The following FBXL17 variants were observed in gnomAD, a reference collection of about 807,000 sequenced individuals.
FBXL17 encodes F-box/LRR-repeat protein 17.
A neutral mutation model predicts 66.2 loss-of-function variants in FBXL17; 22 were observed. The observed-to-expected ratio is 0.33, with a 90% CI of 0.24 to 0.47. FBXL17 has a LOEUF of 0.47. Among genes scored for constraint, FBXL17 ranks in the 20% least tolerant of loss-of-function variants. The pLI is 1.00. For synonymous variants in FBXL17, 474 were observed against 400.5 expected (o/e 1.18, Z -2.19); for missense variants, 878 against 948.2 (o/e 0.93, Z 0.97).
intron 7 of FBXL17, among the ~76,000 whole-genome samples, chr5:107,975,451 C>T (rs1422638363): frequency 6.6e-6 from 1 of 152,112 alleles, no homozygotes; most frequent in East Asian, 1.9e-4. Flanking sequence ...TCTCACATAC[C>T]ATCAGCTTAT....
chr5:107,925,154 A>C (rs1361685718), intron 7 of FBXL17, among the ~76,000 whole-genome samples: 1 of 152,208 alleles, frequency 6.6e-6, no homozygotes, highest in Non-Finnish European at 1.5e-5. Flanking sequence ...CCATTCTGAA[A>C]TGTTCCTCAG....
intron 6 of FBXL17, among the ~76,000 whole-genome samples, chr5:108,121,779 G>A (rs992343935): frequency 2.0e-5 from 3 of 152,138 alleles, no homozygotes; most frequent in Admixed American, 1.3e-4. Context: ...GGATGGTCTT[G>A]ATCTCCTGAC....
intron 6 of FBXL17, among the ~76,000 whole-genome samples, chr5:108,055,282 A>AAAG (rs1747645498): frequency 7.5e-5 from 3 of 40,226 alleles, no homozygotes; most frequent in African/African-American, 3.7e-4. Flanking sequence ...AATTTTTAGA[A>AAAG]AAAAAAAAAA....
rs76453074 is a variant in FBXL17 at position 108,030,037 on chromosome 5, T to G, written c.1746-9036A>C. 6.4e-3 allele frequency among the ~76,000 whole-genome samples: 974 copies of G among 152,290 alleles called. 7 individuals carry two copies. Among genetic ancestry groups the G allele is most frequent in the African/African-American group, 0.023 (946 of 41,568 alleles). ...TAAATAACTTATAATCAAAGGACTA[T>G]GTAGTATACGTGTACATGTATGTAC... is the stretch of plus-strand genomic sequence containing the variant. On this transcript the variant is annotated intron_variant, in intron 6 of 8. Coordinates refer to ENST00000542267, the MANE Select transcript of FBXL17 (RefSeq NM_001163315.3).
intron 6 of FBXL17, among the ~76,000 whole-genome samples, chr5:108,151,110 C>T (rs1751756327): frequency 6.6e-6 from 1 of 152,106 alleles, no homozygotes; most frequent in Non-Finnish European, 1.5e-5. Context: ...CTGAAGTACT[C>T]AGTATAAAGA....
chr5:108,191,485 G>A (rs530321099), intron 5 of FBXL17, among the ~76,000 whole-genome samples: 19 of 152,338 alleles, frequency 1.2e-4, no homozygotes, highest in African/African-American at 3.6e-4. Context: ...AATAAAAATT[G>A]TGTAGAGAAG....
At chr5:108,038,988 G>C (rs568728224) in intron 6 of FBXL17, among the ~76,000 whole-genome samples, 19 of 152,122 alleles carry the variant, frequency 1.2e-4, no homozygotes, top group Admixed American at 3.9e-4. Context: ...TAGAAGACTA[G>C]TGAATAAATG....
intron 6 of FBXL17, among the ~76,000 whole-genome samples, chr5:108,110,980 C>G (rs536127572): frequency 2.0e-5 from 3 of 152,298 alleles, no homozygotes; most frequent in South Asian, 4.1e-4. Context: ...CATTCACCAG[C>G]ATCAAGTCTC....
At chr5:107,900,705 T>C (rs1185968413) in intron 7 of FBXL17, among the ~76,000 whole-genome samples, 1 of 152,132 alleles carries the variant, frequency 6.6e-6, no homozygotes, top group Admixed American at 6.5e-5. Context: ...AGATTTCAAA[T>C]AAAATTCCAT....
At chr5:107,938,563 T>C (rs767482753) in intron 7 of FBXL17, among the ~76,000 whole-genome samples, 3 of 152,194 alleles carry the variant, frequency 2.0e-5, no homozygotes, top group Non-Finnish European at 2.9e-5. Context: ...GGTGCCTAAA[T>C]GATTTTTATC....
chr5:108,181,301 GA>G (rs1260137169), intron 6 of FBXL17, among the ~76,000 whole-genome samples: 1 of 152,166 alleles, frequency 6.6e-6, no homozygotes, highest in Non-Finnish European at 1.5e-5. Context: ...ATCACTGATA[GA>G]AATAGTCAGT....
intron 7 of FBXL17, among the ~76,000 whole-genome samples, chr5:107,913,781 C>A (rs1478550971): frequency 6.6e-6 from 1 of 152,086 alleles, no homozygotes; most frequent in African/African-American, 2.4e-5. Flanking sequence ...AGTGTCACTG[C>A]TTATTCTGCA....
chr5:108,209,030 C>G (rs111303134), intron 5 of FBXL17, among the ~76,000 whole-genome samples: 1 of 151,976 alleles, frequency 6.6e-6, no homozygotes, highest in African/African-American at 2.4e-5. Context: ...CCTTCATATC[C>G]CTTGTAAGTT....
At chr5:108,194,332 A>G (rs1453110871) in intron 5 of FBXL17, among the ~76,000 whole-genome samples, 1 of 152,020 alleles carries the variant, frequency 6.6e-6, no homozygotes. Flanking sequence ...CCTGGTTCAA[A>G]TCTCATCTTC....
intron 6 of FBXL17, among the ~76,000 whole-genome samples, chr5:108,048,777 G>A (rs1029293881): frequency 5.3e-5 from 8 of 152,084 alleles, no homozygotes; most frequent in African/African-American, 1.7e-4. Context: ...GAAAAGGACC[G>A]AACAGAGCCT....
chr5:108,299,485 T>G, intron 4 of FBXL17: 1 of 934,640 alleles, frequency 1.1e-6, no homozygotes, highest in Non-Finnish European at 1.3e-6. Context: ...AATCTAAAAG[T>G]TATTGAATAA....
In FBXL17 at chr5:107,859,385, TG is replaced by T. The variant is rs1421806186; in HGVS notation, c.*2334del. On this transcript the variant is annotated 3_prime_UTR_variant, in exon 9 of 9. Coordinates refer to ENST00000542267, the MANE Select transcript of FBXL17 (RefSeq NM_001163315.3). ...GACCACTCAAGGTGATGCTTTTTTC[TG>T]GCTGTTTTTTTTTTTTTTTTTTTTT... 1.4e-5 allele frequency: 2 copies of T among 143,262 alleles called. No individual in the cohort carries two copies. Among genetic ancestry groups the T allele is most frequent in the Admixed American group, 1.5e-4 (2 of 13,630 alleles). The allele number at this position is 143,262 out of a possible 1,614,324, so 8.9% of individuals were successfully genotyped here.
At chr5:108,371,849 T>C (rs751442406) in intron 1 of FBXL17, among the ~76,000 whole-genome samples, 4 of 152,204 alleles carry the variant, frequency 2.6e-5, no homozygotes, top group Non-Finnish European at 5.9e-5. Flanking sequence ...AAGCCAAAGA[T>C]GACCTCTGTG....
At chr5:108,035,015 T>G (rs1334401868) in intron 6 of FBXL17, among the ~76,000 whole-genome samples, 2 of 152,132 alleles carry the variant, frequency 1.3e-5, no homozygotes, top group African/African-American at 2.4e-5. Context: ...ATTACATAAT[T>G]TTTTTCTACT....
Sources: gnomAD v4.1 joint callset for allele counts (sites outside exome capture counted in the v4.1 genomes callset) on GRCh38, gnomAD v4.1.1 for gene constraint, MANE v1.5 for transcripts, NCBI Gene and HGNC (gene_info 2026-07-23, HGNC 2026-07-21) for gene names.